Variants in RUFY2 observed in about 807,000 individuals in gnomAD.
RUFY2 encodes the protein RUN and FYVE domain containing 2.
A neutral mutation model predicts 94.4 loss-of-function variants in RUFY2; 49 were observed. The ratio of observed to expected loss-of-function variants is 0.52; its 90% CI spans 0.41 to 0.66. The LOEUF is 0.66. RUFY2 is among the 30% of genes least tolerant of loss of function. The pLI, the probability that RUFY2 is intolerant of heterozygous loss-of-function variation, is 0.00. For missense variants in RUFY2, 541 were observed against 692.8 expected (o/e 0.78, Z 2.46); for synonymous variants, 255 against 235.7 (o/e 1.08, Z -0.75).
intron 13 of RUFY2, among the ~76,000 whole-genome samples, chr10:68,367,423 TA>T (rs1304712086): frequency 6.6e-6 from 1 of 151,960 alleles, no homozygotes; most frequent in African/African-American, 2.4e-5. Context: ...TAAGAGGAAT[TA>T]TTTTTTTTCT....
At chr10:68,389,054 A>G (rs1187029578) in intron 7 of RUFY2, among the ~76,000 whole-genome samples, 1 of 151,728 alleles carries the variant, frequency 6.6e-6, no homozygotes, top group Non-Finnish European at 1.5e-5. Flanking sequence ...CACCATGACC[A>G]GCTAATTTTT....
intron 16 of RUFY2, among the ~76,000 whole-genome samples, chr10:68,352,658 C>T (rs748090783): frequency 2.7e-4 from 41 of 152,076 alleles, no homozygotes; most frequent in Admixed American, 7.2e-4. Context: ...TGGCTGGGCA[C>T]GGTGGCTCAC....
At chr10:68,395,786 C>CT (rs1289389022) in intron 4 of RUFY2, among the ~76,000 whole-genome samples, 1 of 152,112 alleles carries the variant, frequency 6.6e-6, no homozygotes, top group African/African-American at 2.4e-5. Context: ...GCCATGGGTG[C>CT]TTAACATATG....
chr10:68,369,538 G>A (rs1298279065), intron 13 of RUFY2, among the ~76,000 whole-genome samples: 1 of 151,632 alleles, frequency 6.6e-6, no homozygotes, highest in Non-Finnish European at 1.5e-5. Flanking sequence ...GCCTTTAAGA[G>A]GTAATTGGCT....
chr10:68,348,456 A>G (rs2046433434), intron 16 of RUFY2, among the ~76,000 whole-genome samples: 1 of 151,812 alleles, frequency 6.6e-6, no homozygotes, highest in South Asian at 2.1e-4. Flanking sequence ...GTTCAAGGTT[A>G]CAGTGAGCTG....
intron 16 of RUFY2, among the ~76,000 whole-genome samples, chr10:68,354,742 G>A (rs1408941571): frequency 2.0e-5 from 3 of 152,126 alleles, no homozygotes; most frequent in Non-Finnish European, 2.9e-5. Flanking sequence ...GAACTAGTAA[G>A]TAATAGACTG....
chr10:68,374,719 C>T (rs1042478039), intron 13 of RUFY2, among the ~76,000 whole-genome samples: 5 of 152,132 alleles, frequency 3.3e-5, no homozygotes, highest in African/African-American at 1.2e-4. Context: ...TTTTAATGAT[C>T]TGTTAATATA....
rs143108371 is a variant in RUFY2 at position 68,372,357 on chromosome 10, G to A, written c.1325+4496C>T. On this transcript the variant is annotated intron_variant, in intron 13 of 17. Coordinates refer to ENST00000602465, the MANE Select transcript of RUFY2 (RefSeq NM_001330103.2). ...CAAAGCTGCAATGAGTTATGATCACGCCACTACACCCCAGCCTGGGCGACA... is the reference window on the plus strand; with the variant it reads ...CAAAGCTGCAATGAGTTATGATCACACCACTACACCCCAGCCTGGGCGACA... 2.2e-4 allele frequency among the ~76,000 whole-genome samples: 33 copies of A among 151,980 alleles called. No individual in the cohort carries two copies. In the East Asian group the frequency reaches 5.1e-3, roughly 23 times the overall value.
chr10:68,359,554 A>AAAATATATATAGTAGTACTACTATATAT (rs1438591252), intron 15 of RUFY2, among the ~76,000 whole-genome samples: 1 of 145,280 alleles, frequency 6.9e-6, no homozygotes, highest in African/African-American at 2.5e-5. Flanking sequence ...ACTATATATA[A>AAAATATATATAGTAGTACTACTATATAT]AAATATATAT....
In RUFY2 at chr10:68,386,062, T is replaced by C; in HGVS notation, c.717A>G (p.Glu239=). ...ACATTTATCCATTAGACAATACCTC[T>C]TCAATCAGCTTAGTATTTGACTTTT... is the stretch of plus-strand genomic sequence containing the variant. The part of the protein sequence containing the change: ...SLEKSNTKLI[E]ELAIAKNNII... The change falls in exon 8 of 18, where the codon GAA becomes GAG. Residue 239 remains glutamate (E), a synonymous_variant. Coordinates refer to ENST00000602465, the MANE Select transcript of RUFY2 (RefSeq NM_001330103.2). The C allele has an allele frequency of 6.2e-7, 1 of 1,601,140 alleles. No homozygotes were observed. The highest frequency in any genetic ancestry group is 8.5e-7 in the Non-Finnish European group (1 of 1,169,880).
intron 16 of RUFY2, among the ~76,000 whole-genome samples, chr10:68,349,631 C>T (rs1197519303): frequency 6.6e-6 from 1 of 151,896 alleles, no homozygotes; most frequent in African/African-American, 2.4e-5. Flanking sequence ...CTCCGCCTCC[C>T]GGGTTCGCGC....
intron 13 of RUFY2, among the ~76,000 whole-genome samples, chr10:68,376,492 T>C (rs769166818): frequency 2.7e-5 from 1 of 36,638 alleles, no homozygotes; most frequent in Admixed American, 3.6e-4. Context: ...ATATATATAT[T>C]CTCAGAAAAC....
At chr10:68,399,381 T>C (rs1015432347) in intron 3 of RUFY2, among the ~76,000 whole-genome samples, 7 of 152,192 alleles carry the variant, frequency 4.6e-5, no homozygotes, top group African/African-American at 1.2e-4. Context: ...GTTTAAATCC[T>C]GCCTCTGCCA....
chr10:68,353,669 C>T (rs550803253), intron 16 of RUFY2, among the ~76,000 whole-genome samples: 3 of 151,918 alleles, frequency 2.0e-5, no homozygotes, highest in Non-Finnish European at 4.4e-5. Context: ...CAAGGTGGCA[C>T]GCACCTGTGG....
At chr10:68,378,644 C>G (rs756181789) in intron 12 of RUFY2, 1 of 1,612,318 alleles carries the variant, frequency 6.2e-7, no homozygotes, top group South Asian at 1.1e-5. Flanking sequence ...TGCAATTGTC[C>G]TAGTTTGAGT....
At chr10:68,355,232 T>A in intron 16 of RUFY2, 121 bp downstream of exon 16, 1 of 644,012 alleles carries the variant, frequency 1.6e-6, no homozygotes, top group South Asian at 2.1e-5. Flanking sequence ...TCCAAGCTCC[T>A]CATTCAGTGC....
chr10:68,404,820 T>C lies in RUFY2; in HGVS notation c.29A>G (p.Glu10Gly). The C allele has an allele frequency of 6.3e-7, 1 of 1,596,312 alleles. No individual in the cohort carries two copies. The highest frequency in any genetic ancestry group is 8.5e-7 in the Non-Finnish European group (1 of 1,171,798). Reference protein sequence around the residue: MATKDPTAVERANLLNMAKL... With the variant: MATKDPTAVGRANLLNMAKL... ...AGCCATGTTTAACAAGTTTGCTCTCTCTACAGCTGTGGGGTCTTTTGTAGC... is the reference window on the plus strand; with the variant it reads ...AGCCATGTTTAACAAGTTTGCTCTCCCTACAGCTGTGGGGTCTTTTGTAGC... Residue 10 changes from glutamate to glycine, a missense_variant, in exon 2 of 18, where the codon GAG becomes GGG. Glu to Gly is a moderately conservative substitution (Grantham distance 98, BLOSUM62 -2). Around this residue, in one of 3 missense-constraint regions of RUFY2, gnomAD observed 53 missense variants for 58.6 expected, o/e 0.90. Transcript: ENST00000602465.
At chr10:68,394,883 C>T (rs1182781987) in intron 4 of RUFY2, among the ~76,000 whole-genome samples, 1 of 151,918 alleles carries the variant, frequency 6.6e-6, no homozygotes, top group Non-Finnish European at 1.5e-5. Context: ...CGGGCCTCAG[C>T]ATCCCAAAGT....
At chr10:68,364,850 A>G (rs1238903152) in intron 13 of RUFY2, among the ~76,000 whole-genome samples, 2 of 151,370 alleles carry the variant, frequency 1.3e-5, no homozygotes, top group African/African-American at 4.9e-5. Flanking sequence ...TGCCACCAAA[A>G]CTCCTAAATT....
Sources: allele counts gnomAD v4.1 joint callset (sites outside exome capture counted in the v4.1 genomes callset), GRCh38; gene constraint gnomAD v4.1.1; regional missense constraint gnomAD v4.1.1; transcripts MANE v1.5; gene names NCBI Gene and HGNC (gene_info 2026-07-23, HGNC 2026-07-21).